Variants in ADAM10 observed in about 807,000 individuals in gnomAD.
The protein encoded by ADAM10 is ADAM metallopeptidase domain 10.
A neutral mutation model predicts 90.1 loss-of-function variants in ADAM10; 17 were observed. That is an observed-to-expected ratio of 0.19 (90% CI 0.13 to 0.28). The LOEUF is 0.28. ADAM10 is among the 10% of genes least tolerant of loss of function. The pLI, the probability that ADAM10 is intolerant of heterozygous loss-of-function variation, is 1.00. For missense variants in ADAM10, 610 were observed against 914.3 expected (o/e 0.67, Z 4.29); for synonymous variants, 310 against 298.6 (o/e 1.04, Z -0.40).
intron 1 of ADAM10, among the ~76,000 whole-genome samples, chr15:58,723,629 C>T (rs1405040103): frequency 6.6e-6 from 1 of 152,020 alleles, no homozygotes; most frequent in East Asian, 1.9e-4. Flanking sequence ...CTCTTGAACC[C>T]GGGAGACGGA....
At chr15:58,721,042 G>C (rs1250314442) in intron 1 of ADAM10, among the ~76,000 whole-genome samples, 2 of 152,184 alleles carry the variant, frequency 1.3e-5, no homozygotes, top group African/African-American at 4.8e-5. Flanking sequence ...TTAAGTCGCA[G>C]TTCAGATAAA....
chr15:58,654,367 CGTTGTGTTAT>C (rs1235612498), intron 5 of ADAM10, among the ~76,000 whole-genome samples: 1 of 151,980 alleles, frequency 6.6e-6, no homozygotes, highest in Non-Finnish European at 1.5e-5. Context: ...GTATCCTACG[CGTTGTGTTAT>C]GTTGTGTTTT....
At chr15:58,737,447 G>A (rs530758595) in intron 1 of ADAM10, among the ~76,000 whole-genome samples, 91 of 152,210 alleles carry the variant, frequency 6.0e-4, no homozygotes, top group African/African-American at 2.1e-3. Context: ...TACGCTTTAA[G>A]GGTAAAATTA....
At chr15:58,729,207 AG>A (rs1300002491) in intron 1 of ADAM10, among the ~76,000 whole-genome samples, 1 of 152,204 alleles carries the variant, frequency 6.6e-6, no homozygotes, top group Non-Finnish European at 1.5e-5. Flanking sequence ...TTTAAAAAAA[AG>A]AAAGAAAAGA....
At chr15:58,744,297 C>T (rs1567021988) in intron 1 of ADAM10, among the ~76,000 whole-genome samples, 1 of 152,158 alleles carries the variant, frequency 6.6e-6, no homozygotes, top group African/African-American at 2.4e-5. Context: ...AGCCCATGTA[C>T]TTCATTCCAC....
At chr15:58,598,754 C>T (rs762354438) in intron 15 of ADAM10, among the ~76,000 whole-genome samples, 7 of 152,174 alleles carry the variant, frequency 4.6e-5, no homozygotes, top group Non-Finnish European at 1.0e-4. Flanking sequence ...CTAAACAATA[C>T]GAAGGGTTTA....
Position 58,749,678 on chromosome 15 carries a change from C to A in ADAM10, c.-144G>T. On this transcript the variant is annotated 5_prime_UTR_variant, in exon 1 of 16. Transcript: ENST00000260408. ...TGGCAGGAGAAACGGCGAAGCACCT[C>A]CCTCTCGCTCCACTTCAGGGGCCGG... 6.9e-7 allele frequency: 1 copy of A among 1,454,114 alleles called. No individual in the cohort carries two copies. The highest frequency in any genetic ancestry group is 9.2e-7 in the Non-Finnish European group (1 of 1,091,038). 90.1% of individuals were successfully genotyped at this position (1,454,114 alleles called of 1,614,324 possible).
At chr15:58,710,503 T>C (rs372840002) in intron 2 of ADAM10, among the ~76,000 whole-genome samples, 6 of 152,324 alleles carry the variant, frequency 3.9e-5, no homozygotes, top group South Asian at 2.1e-4. Flanking sequence ...AACAGCTTTC[T>C]TGGGATTTTA....
chr15:58,669,030 G>A (rs922194269), intron 4 of ADAM10, among the ~76,000 whole-genome samples: 1 of 152,094 alleles, frequency 6.6e-6, no homozygotes, highest in Non-Finnish European at 1.5e-5. Flanking sequence ...ATTAACAGCT[G>A]TGTACACATA....
At chr15:58,698,406 TAAAAAA>T in intron 2 of ADAM10, 2 of 201,084 alleles carry the variant, frequency 9.9e-6, no homozygotes, top group Non-Finnish European at 9.3e-6. Flanking sequence ...ACCCCATCTC[TAAAAAA>T]AAAAAAAAAA....
At position 58,691,022 on chromosome 15, in the gene ADAM10, G is replaced by C. The variant is rs112632493; in HGVS notation, c.207-8708C>G. The C allele has an allele frequency of 1.5e-5, 8 of 518,802 alleles. 1 individual carries two copies. Among genetic ancestry groups the C allele is most frequent in the African/African-American group, 5.7e-5 (3 of 52,450 alleles). The allele number at this position is 518,802 out of a possible 1,614,324, so 32.1% of individuals were successfully genotyped here. A position where few individuals can be genotyped will look rare whatever the true frequency, so the allele number is the denominator to read the frequency against. ...TGGGGTGGTTGGGGTTGATCTCCAG[G>C]TGCTTTTTAGCCATCATATAACCCA... On this transcript the variant is annotated intron_variant, in intron 2 of 15. Coordinates refer to ENST00000260408, the MANE Select transcript of ADAM10 (RefSeq NM_001110.4).
chr15:58,685,819 G>A lies in ADAM10; in HGVS notation c.207-3505C>T, dbSNP rs551276936. Among the ~76,000 whole-genome samples the A allele has an allele frequency of 1.3e-3, 196 of 151,956 alleles. 3 individuals carry two copies. In the South Asian group the frequency reaches 0.04, roughly 31 times the overall value. ...ATATTTCTTATTCAAAAAATAAAAT[G>A]TAAGTTAAAATAACATCTTAAGACA... On this transcript the variant is annotated intron_variant, in intron 2 of 15. Coordinates refer to ENST00000260408, the MANE Select transcript of ADAM10 (RefSeq NM_001110.4).
intron 6 of ADAM10, 32 bp downstream of exon 6, chr15:58,646,023 G>T: frequency 6.2e-7 from 1 of 1,610,122 alleles, no homozygotes; most frequent in South Asian, 1.1e-5. Context: ...AACAATATGG[G>T]AACTACTAAA....
chr15:58,653,812 T>C (rs772230192), intron 5 of ADAM10, among the ~76,000 whole-genome samples: 4 of 152,188 alleles, frequency 2.6e-5, no homozygotes, highest in Non-Finnish European at 4.4e-5. Flanking sequence ...AAATATTTGG[T>C]AGAATTCAAC....
chr15:58,745,544 A>G (rs1899763751), intron 1 of ADAM10, among the ~76,000 whole-genome samples: 1 of 152,222 alleles, frequency 6.6e-6, no homozygotes, highest in African/African-American at 2.4e-5. Flanking sequence ...CTAATAACCT[A>G]ATGCTGAATA....
At chr15:58,718,485 T>A (rs1274291925) in intron 1 of ADAM10, among the ~76,000 whole-genome samples, 2 of 151,910 alleles carry the variant, frequency 1.3e-5, no homozygotes, top group African/African-American at 4.8e-5. Context: ...AAAAAAAATG[T>A]GTTGAGAAGT....
At chr15:58,621,342 GAA>G in intron 11 of ADAM10, 127 bp downstream of exon 11, 1 of 895,280 alleles carries the variant, frequency 1.1e-6, no homozygotes, top group Non-Finnish European at 1.6e-6. Context: ...TTCAGAAAAA[GAA>G]AACAAACAAC....
chr15:58,727,309 G>T (rs1054155095), intron 1 of ADAM10, among the ~76,000 whole-genome samples: 22 of 147,262 alleles, frequency 1.5e-4, no homozygotes, highest in African/African-American at 5.3e-4. Flanking sequence ...TCCTGCCTAA[G>T]CCTCCCCAGT....
chr15:58,642,083 C>G (rs1896431377), intron 7 of ADAM10, among the ~76,000 whole-genome samples: 2 of 152,170 alleles, frequency 1.3e-5, no homozygotes, highest in Non-Finnish European at 2.9e-5. Context: ...ACAGATAGTC[C>G]ATGCTTGAAG....
Sources: allele counts gnomAD v4.1 joint callset (sites outside exome capture counted in the v4.1 genomes callset), GRCh38; gene constraint gnomAD v4.1.1; transcripts MANE v1.5; gene names NCBI Gene and HGNC (gene_info 2026-07-23, HGNC 2026-07-21).